PITPNC1: variants seen among roughly 807,000 people sequenced by gnomAD.
PITPNC1 encodes cytoplasmic phosphatidylinositol transfer protein 1.
In PITPNC1, 18 loss-of-function variants were observed where a neutral mutation model predicts 44.7. That is an observed-to-expected ratio of 0.40 (90% CI 0.28 to 0.60). The LOEUF (loss-of-function observed/expected upper bound fraction) is 0.60. Among genes scored for constraint, PITPNC1 ranks in the 20% least tolerant of loss-of-function variants. The pLI is 0.39. For missense variants in PITPNC1, 290 were observed against 418.4 expected (o/e 0.69, Z 2.68); for synonymous variants, 141 against 149.6 (o/e 0.94, Z 0.42).
intron 5 of PITPNC1, among the ~76,000 whole-genome samples, chr17:67,592,047 A>C (rs111659589): frequency 3.9e-5 from 6 of 152,170 alleles, no homozygotes; most frequent in African/African-American, 1.4e-4. Context: ...GAAAGAGCAA[A>C]AAATGGTATA....
chr17:67,620,204 C>T (rs960227915), intron 5 of PITPNC1, among the ~76,000 whole-genome samples: 1 of 152,060 alleles, frequency 6.6e-6, no homozygotes, highest in South Asian at 2.1e-4. Context: ...TAGATGCTTG[C>T]CACCACACCT....
intron 6 of PITPNC1, among the ~76,000 whole-genome samples, chr17:67,665,892 G>A (rs889755802): frequency 2.7e-5 from 4 of 150,602 alleles, no homozygotes; most frequent in Non-Finnish European, 5.9e-5. Flanking sequence ...CCAGGCTGGA[G>A]TGCAGTGGCA....
chr17:67,418,219 A>G (rs2038614927), intron 1 of PITPNC1, among the ~76,000 whole-genome samples: 1 of 152,250 alleles, frequency 6.6e-6, no homozygotes, highest in Non-Finnish European at 1.5e-5. Flanking sequence ...TTGAGACTAT[A>G]TAAAGCTCCC....
chr17:67,379,089 C>T, intron 1 of PITPNC1: 2 of 985,932 alleles, frequency 2.0e-6, no homozygotes, highest in Non-Finnish European at 2.4e-6. Flanking sequence ...CCCCTTCTTC[C>T]TCCCCACCTT....
At chr17:67,387,869 T>A (rs1046295967) in intron 1 of PITPNC1, among the ~76,000 whole-genome samples, 17 of 152,190 alleles carry the variant, frequency 1.1e-4, no homozygotes, top group African/African-American at 4.1e-4. Flanking sequence ...TCTTTTCACT[T>A]ATTTTTTTCA....
intron 1 of PITPNC1, among the ~76,000 whole-genome samples, chr17:67,497,003 G>C (rs1256610236): frequency 2.6e-5 from 4 of 151,952 alleles, no homozygotes; most frequent in South Asian, 2.1e-4. Flanking sequence ...GTGTGTGCCT[G>C]TGGTCCCAGC....
At chr17:67,602,992 C>T (rs757601719) in intron 5 of PITPNC1, among the ~76,000 whole-genome samples, 11 of 152,092 alleles carry the variant, frequency 7.2e-5, no homozygotes, top group Non-Finnish European at 1.5e-4. Context: ...CCTCTTGCCT[C>T]ACCCTCCCGT....
chr17:67,667,490 CAAAA>C (rs71139168), intron 6 of PITPNC1, among the ~76,000 whole-genome samples: 2 of 107,654 alleles, frequency 1.9e-5, no homozygotes, highest in African/African-American at 3.4e-5. Flanking sequence ...GATCCTTTCT[CAAAA>C]AAAAAAAAAA....
chr17:67,401,038 A>G (rs1161514846), intron 1 of PITPNC1, among the ~76,000 whole-genome samples: 4 of 151,894 alleles, frequency 2.6e-5, no homozygotes, highest in East Asian at 3.9e-4. Context: ...GGGTTCAGGC[A>G]ATTCTCCTGC....
chr17:67,407,357 T>C (rs1255342065), intron 1 of PITPNC1, among the ~76,000 whole-genome samples: 2 of 152,208 alleles, frequency 1.3e-5, no homozygotes, highest in Non-Finnish European at 2.9e-5. Context: ...TTGGGTTACA[T>C]GTCTTCTTTT....
chr17:67,384,430 T>C (rs1316883326), intron 1 of PITPNC1, among the ~76,000 whole-genome samples: 7 of 148,754 alleles, frequency 4.7e-5, no homozygotes, highest in African/African-American at 7.4e-5. Flanking sequence ...CTTGTTCTCT[T>C]TTTTTTTTTT....
intron 2 of PITPNC1, among the ~76,000 whole-genome samples, chr17:67,542,835 A>G (rs2040627014): frequency 6.6e-6 from 1 of 152,212 alleles, no homozygotes; most frequent in Admixed American, 6.5e-5. Flanking sequence ...GAAATATTCA[A>G]AGCCTGTGTA....
chr17:67,604,783 C>CA (rs1402208766), intron 5 of PITPNC1, among the ~76,000 whole-genome samples: 29 of 148,292 alleles, frequency 2.0e-4, no homozygotes, highest in African/African-American at 6.7e-4. Flanking sequence ...ACTCCCTCTC[C>CA]AAAAAAAATT....
chr17:67,481,019 C>T (rs2039694260), intron 1 of PITPNC1, among the ~76,000 whole-genome samples: 1 of 152,202 alleles, frequency 6.6e-6, no homozygotes, highest in South Asian at 2.1e-4. Context: ...CCAGCCTGGC[C>T]AGCATGGCAA....
chr17:67,522,657 A>ATTTTTTTTTTTTTTT (rs1219049449), intron 1 of PITPNC1, among the ~76,000 whole-genome samples: 2 of 59,972 alleles, frequency 3.3e-5, no homozygotes, highest in Non-Finnish European at 5.8e-5. Flanking sequence ...TACCATTTTA[A>ATTTTTTTTTTTTTTT]TCTTTTTTTT....
intron 5 of PITPNC1, among the ~76,000 whole-genome samples, chr17:67,619,390 A>C (rs879922263): frequency 6.6e-6 from 1 of 152,132 alleles, no homozygotes; most frequent in Non-Finnish European, 1.5e-5. Context: ...CCTTCCCGAC[A>C]CCATGAATAC....
chr17:67,693,208 A>C lies in PITPNC1; in HGVS notation c.*320A>C, dbSNP rs1043307502. 1 of 228,910 alleles carries C rather than the reference A, an allele frequency of 4.4e-6. No homozygotes were observed. The highest frequency in any genetic ancestry group is 8.4e-6 in the Non-Finnish European group (1 of 119,352). 14.2% of individuals were successfully genotyped at this position (228,910 alleles called of 1,614,324 possible). A position where few individuals can be genotyped will look rare whatever the true frequency, so the allele number is the denominator to read the frequency against. ...GGACTTCAAGGATAAATGAATGAAA[A>C]CTTTGCACCACTTTTGTTACAAGGT... is the stretch of plus-strand genomic sequence containing the variant. On this transcript the variant is annotated 3_prime_UTR_variant, in exon 9 of 9. Transcript: ENST00000581322.
intron 5 of PITPNC1, among the ~76,000 whole-genome samples, chr17:67,631,672 A>ATATATATATATATATAT (rs1247972983): frequency 2.0e-5 from 1 of 49,206 alleles, no homozygotes; most frequent in Non-Finnish European, 4.6e-5. Flanking sequence ...ATATATATAT[A>ATATATATATATATATAT]AAATATATAT....
At chr17:67,548,743 G>C (rs1262099033) in intron 2 of PITPNC1, among the ~76,000 whole-genome samples, 1 of 152,180 alleles carries the variant, frequency 6.6e-6, no homozygotes, top group African/African-American at 2.4e-5. Context: ...GCCCTGGTGA[G>C]ATGGGCCATT....
Sources: gnomAD v4.1 joint callset for allele counts (sites outside exome capture counted in the v4.1 genomes callset) on GRCh38, gnomAD v4.1.1 for gene constraint, MANE v1.5 for transcripts, NCBI Gene and HGNC (gene_info 2026-07-23, HGNC 2026-07-21) for gene names.